Variants in THUMPD3 observed in about 807,000 individuals in gnomAD.
THUMPD3 encodes the protein THUMP domain 3 tRNA guanosine methyltransferase.
In THUMPD3, 44 loss-of-function variants were observed where a neutral mutation model predicts 54.5. That is an observed-to-expected ratio of 0.81 (90% confidence interval 0.63 to 1.04). The LOEUF (loss-of-function observed/expected upper bound fraction) is 1.04, where lower values mean the gene tolerates loss of function less well. Among genes scored for constraint, THUMPD3 ranks in the 50% least tolerant of loss-of-function variants. The probability of loss-of-function intolerance (pLI) is 0.00; values close to 1 mark genes in which losing one functional copy is unlikely to be tolerated. For missense variants in THUMPD3, 604 were observed against 601.3 expected (o/e 1.00, Z -0.05); for synonymous variants, 196 against 201.4 (o/e 0.97, Z 0.23).
At position 9,374,538 on chromosome 3, in the gene THUMPD3, A is replaced by T; in HGVS notation, c.830A>T (p.Asn277Ile). ...DVEVLLNIHD[N>I]EVIVGIALTE... The stretch of plus-strand genomic sequence containing the variant: ...TAGGTTCTTTTGAACATCCATGATA[A>T]TGAAGTCATTGTGGGCATTGCATTG... Residue 277 changes from asparagine (N) to isoleucine (I), a missense_variant, in exon 5 of 10, where the codon AAT becomes ATT. By Grantham distance (149) the Asn-to-Ile change is moderately radical (BLOSUM62 -3). Coordinates refer to ENST00000452837, the MANE Select transcript of THUMPD3 (RefSeq NM_001114092.2). The T allele has an allele frequency of 2.5e-6, 4 of 1,613,954 alleles. No individual in the cohort carries two copies. Among genetic ancestry groups the T allele is most frequent in the Non-Finnish European group, 3.4e-6 (4 of 1,179,942 alleles).
In THUMPD3 at chr3:9,374,252, T is replaced by C. The variant is rs114313175; in HGVS notation, c.808-264T>C. Among the ~76,000 whole-genome samples the C allele has an allele frequency of 3.0e-3, 463 of 152,352 alleles. 3 individuals are homozygous for C. Among genetic ancestry groups the C allele is most frequent in the Middle Eastern group, 0.01 (3 of 294 alleles). ...CAACCAGATTTCACCCCAATTTTTA[T>C]AACACAAACATATTTTGAAGGCTTA... On this transcript the variant is annotated intron_variant, in intron 4 of 9. Transcript: ENST00000452837.
At chr3:9,377,250 A>C (rs1322491327) in intron 5 of THUMPD3, among the ~76,000 whole-genome samples, 2 of 152,188 alleles carry the variant, frequency 1.3e-5, no homozygotes, top group African/African-American at 2.4e-5. Flanking sequence ...AGATGTCTGC[A>C]AACTAAATTT....
intron 6 of THUMPD3, among the ~76,000 whole-genome samples, chr3:9,378,126 G>A (rs2125326412): frequency 6.6e-6 from 1 of 152,352 alleles, no homozygotes. Flanking sequence ...GATTACAGAG[G>A]AAGCTGAGAA....
intron 5 of THUMPD3, among the ~76,000 whole-genome samples, chr3:9,376,890 T>A (rs1460936568): frequency 3.3e-5 from 5 of 152,152 alleles, no homozygotes; most frequent in Non-Finnish European, 7.3e-5. Flanking sequence ...AAAATGAGAA[T>A]AATGATAATT....
chr3:9,365,226 C>T lies in THUMPD3; in HGVS notation c.158C>T (p.Ala53Val). 3.1e-6 allele frequency: 5 copies of T among 1,614,192 alleles called. No individual in the cohort carries two copies. The highest frequency in any genetic ancestry group is 4.2e-6 in the Non-Finnish European group (5 of 1,180,030). The part of the protein sequence containing the change: ...TVPTGFEQTA[A>V]DEVREKLGSS... ...CCTACTGGCTTTGAGCAAACAGCTG[C>T]AGATGAAGTCAGAGAGAAACTTGGG... Residue 53 changes from alanine (A) to valine (V), a missense_variant, in exon 2 of 10, where the codon GCA becomes GTA. Transcript: ENST00000452837.
intron 3 of THUMPD3, among the ~76,000 whole-genome samples, chr3:9,368,691 T>C (rs2031773632): frequency 6.6e-6 from 1 of 152,062 alleles, no homozygotes; most frequent in Non-Finnish European, 1.5e-5. Flanking sequence ...TATGAACAAA[T>C]CTGTGATTTA....
chr3:9,380,677 G>C, intron 7 of THUMPD3, 59 bp downstream of exon 7: 1 of 1,275,230 alleles, frequency 7.8e-7, no homozygotes, highest in South Asian at 1.3e-5. Context: ...TTTTTATATT[G>C]ACTTTATGAA....
At chr3:9,372,895 C>T (rs1157452864) in intron 4 of THUMPD3, among the ~76,000 whole-genome samples, 1 of 152,142 alleles carries the variant, frequency 6.6e-6, no homozygotes, top group African/African-American at 2.4e-5. Flanking sequence ...GTCACTGATT[C>T]TAACTTTTTT....
At chr3:9,378,811 T>TA (rs987857065) in intron 6 of THUMPD3, among the ~76,000 whole-genome samples, 9 of 152,112 alleles carry the variant, frequency 5.9e-5, no homozygotes, top group Non-Finnish European at 1.3e-4. Flanking sequence ...GACTGCACAG[T>TA]AAAAACCCAG....
intron 4 of THUMPD3, among the ~76,000 whole-genome samples, chr3:9,373,579 T>C (rs2032227815): frequency 6.6e-6 from 1 of 152,178 alleles, no homozygotes; most frequent in Admixed American, 6.5e-5. Flanking sequence ...GGGATGTGAA[T>C]ATGAGATGAG....
chr3:9,371,293 T>C lies in THUMPD3; in HGVS notation c.564T>C (p.Tyr188=). The change falls in exon 4 of 10, where the codon TAT becomes TAC. Residue 188 remains tyrosine (Y), a synonymous_variant. Transcript: ENST00000452837. ...HALDSHILDY[Y]ENPAIKEDVS... is the part of the protein sequence containing the mutation. Reference sequence around the variant, plus strand: ...TAGATTCTCATATCTTAGATTATTATGAAAATCCAGCCATCAAAGAGGATG... The same window carrying C: ...TAGATTCTCATATCTTAGATTATTACGAAAATCCAGCCATCAAAGAGGATG... 3 of 1,614,046 alleles carry C rather than the reference T, an allele frequency of 1.9e-6. No homozygotes were observed. The highest frequency in any genetic ancestry group is 2.5e-6 in the Non-Finnish European group (3 of 1,179,996).
rs775276212 is a variant in THUMPD3, at chr3:9,384,663, G to A, written c.1499G>A (p.Gly500Glu). Residue 500 changes from glycine (G) to glutamate (E), a missense_variant, in exon 10 of 10, where the codon GGA (glycine) becomes GAA (glutamate). Coordinates refer to ENST00000452837, the MANE Select transcript of THUMPD3 (RefSeq NM_001114092.2). ...CCTTCAGAACAAGACGGAGAAAGAGGAACTCTTTGGCAATGCAAAGAATGA... is the reference window on the plus strand; with the variant it reads ...CCTTCAGAACAAGACGGAGAAAGAGAAACTCTTTGGCAATGCAAAGAATGA... ...VHPSEQDGER[G>E]TLWQCKE The A allele has an allele frequency of 7.4e-6, 12 of 1,614,136 alleles. No homozygotes were observed. Among genetic ancestry groups the A allele is most frequent in the Middle Eastern group, 1.7e-4 (1 of 6,056 alleles).
chr3:9,373,134 C>T (rs1057507923), intron 4 of THUMPD3, among the ~76,000 whole-genome samples: 7 of 151,900 alleles, frequency 4.6e-5, no homozygotes, highest in African/African-American at 1.7e-4. Context: ...TTAACCAGAA[C>T]AGTGATGTCT....
intron 3 of THUMPD3, among the ~76,000 whole-genome samples, chr3:9,368,839 G>C (rs2031784135): frequency 6.6e-6 from 1 of 152,150 alleles, no homozygotes; most frequent in Non-Finnish European, 1.5e-5. Flanking sequence ...ACAACTGTTA[G>C]CAATTTCTTG....
At chr3:9,366,350 C>G (rs73026937) in intron 2 of THUMPD3, among the ~76,000 whole-genome samples, 2,061 of 152,208 alleles carry the variant, frequency 0.014, 18 homozygotes, top group Non-Finnish European at 0.02. Flanking sequence ...ATCCCACGCT[C>G]TTAGTGTCTG....
intron 5 of THUMPD3, among the ~76,000 whole-genome samples, chr3:9,376,397 A>C (rs772357469): frequency 2.0e-5 from 3 of 152,168 alleles, no homozygotes; most frequent in Non-Finnish European, 2.9e-5. Flanking sequence ...CCAATTCCAA[A>C]CGACCAACCC....
At chr3:9,363,842 C>T (rs1449138822) in intron 1 of THUMPD3, 8 of 126,928 alleles carry the variant, frequency 6.3e-5, no homozygotes, top group African/African-American at 1.2e-4. Flanking sequence ...CAGGGCCTCA[C>T]TGTGTCACCC....
chr3:9,376,528 AC>A (rs2032469277), intron 5 of THUMPD3, among the ~76,000 whole-genome samples: 1 of 152,164 alleles, frequency 6.6e-6, no homozygotes, highest in South Asian at 2.1e-4. Context: ...CAGGGTGCTT[AC>A]CCCCTCAAGA....
At chr3:9,382,939 A>AC in intron 7 of THUMPD3, 1 of 341,474 alleles carries the variant, frequency 2.9e-6, no homozygotes, top group South Asian at 4.1e-5. Flanking sequence ...AGTGTTGCTC[A>AC]GCTGGTCTCA....
Sources: allele counts gnomAD v4.1 joint callset (sites outside exome capture counted in the v4.1 genomes callset), GRCh38; gene constraint gnomAD v4.1.1; transcripts MANE v1.5; gene names NCBI Gene and HGNC (gene_info 2026-07-23, HGNC 2026-07-21).